C11orf96: variants seen among roughly 807,000 people sequenced by gnomAD.
C11orf96 encodes chromosome 11 open reading frame 96.
In C11orf96, 6 loss-of-function variants were observed where a neutral mutation model predicts 7.6. The observed-to-expected ratio is 0.79, with a 90% CI of 0.43 to 1.55. The LOEUF is 1.55. Among genes scored for constraint, C11orf96 ranks in the 40% most tolerant of loss-of-function variants. The pLI is 0.01. For missense variants in C11orf96, 150 were observed against 167.3 expected, an observed-to-expected ratio of 0.90 and a Z score of 0.57; for synonymous variants, 72 against 79.0, an observed-to-expected ratio of 0.91 and a Z score of 0.47.
chr11:43,943,021 C>T lies in C11orf96; in HGVS notation c.117C>T (p.Pro39=), dbSNP rs192957735. The change falls in exon 1 of 1, where the codon CCC becomes CCT. Residue 39 remains proline, a synonymous_variant. Transcript: ENST00000617612. The surrounding 1 kb of genome is among the most constrained non-coding windows in gnomAD (Gnocchi z 4.8). ...FPQPVRPAKL[P]KGRGRLRRPR... ...AGCCCGTGCGGCCCGCCAAGCTGCC[C>T]AAGGGCCGGGGCCGGCTGCGGCGGC... 4,723 of 1,510,450 alleles carry T rather than the reference C, an allele frequency of 3.1e-3. 7 individuals are homozygous for T. Among genetic ancestry groups the T allele is most frequent in the Non-Finnish European group, 3.9e-3 (4,350 of 1,129,152 alleles). 93.6% of individuals were successfully genotyped at this position (1,510,450 alleles called of 1,614,324 possible). A position where few individuals can be genotyped will look rare whatever the true frequency, so the allele number is the denominator to read the frequency against.
rs1201891075 is a variant in C11orf96, at chr11:43,942,824, T to C, written c.-81T>C. Reference sequence around the variant, plus strand: ...GCCCGGCGAGCCCCCGGCTGCTGCCTCCCGGGGGGCCCCGGCGCAGCGGCC... The same window carrying C: ...GCCCGGCGAGCCCCCGGCTGCTGCCCCCCGGGGGGCCCCGGCGCAGCGGCC... On this transcript the variant is annotated 5_prime_UTR_variant, in exon 1 of 1. Coordinates refer to ENST00000617612, the MANE Select transcript of C11orf96 (RefSeq NM_001145033.2). 1.9e-6 allele frequency: 2 copies of C among 1,067,510 alleles called. No individual in the cohort carries two copies. Among genetic ancestry groups the C allele is most frequent in the Non-Finnish European group, 2.3e-6 (2 of 875,004 alleles). The allele number at this position is 1,067,510 out of a possible 1,614,324, so 66.1% of individuals were successfully genotyped here.
Position 43,943,552 on chromosome 11 carries a change from C to A in C11orf96, c.*279C>A. The A allele has an allele frequency of 7.6e-7, 1 of 1,317,482 alleles. No individual in the cohort carries two copies. The highest frequency in any genetic ancestry group is 1.0e-6 in the Non-Finnish European group (1 of 998,034). The allele number at this position is 1,317,482 out of a possible 1,614,324, so 81.6% of individuals were successfully genotyped here. A position where few individuals can be genotyped will look rare whatever the true frequency, so the allele number is the denominator to read the frequency against. On this transcript the variant is annotated 3_prime_UTR_variant, in exon 1 of 1. Coordinates refer to ENST00000617612, the MANE Select transcript of C11orf96 (RefSeq NM_001145033.2). This position sits in a 1 kb window ranked among gnomAD's most constrained non-coding sequence, Gnocchi z 4.8. Reference sequence around the variant, plus strand: ...GTGCGAACTCTGCTGTGAGTGTGTGCGGGGAGGCGCGCCCGCGCTGAGTCG... The same window carrying A: ...GTGCGAACTCTGCTGTGAGTGTGTGAGGGGAGGCGCGCCCGCGCTGAGTCG...
At position 43,943,590 on chromosome 11, in the gene C11orf96, C is replaced by CA; in HGVS notation, c.*318dup. On this transcript the variant is annotated 3_prime_UTR_variant, in exon 1 of 1. Coordinates refer to ENST00000617612, the MANE Select transcript of C11orf96 (RefSeq NM_001145033.2). The surrounding 1 kb of genome is among the most constrained non-coding windows in gnomAD (Gnocchi z 4.8). ...CCGCGCTGAGTCGGCGGCGGGTAGC[C>CA]ACTCCATGCCCTTGTCCGATGGTTT... 7.6e-7 allele frequency: 1 copy of CA among 1,310,142 alleles called. No homozygotes were observed. The highest frequency in any genetic ancestry group is 1.0e-6 in the Non-Finnish European group (1 of 992,998). 81.2% of individuals were successfully genotyped at this position (1,310,142 alleles called of 1,614,324 possible). A position where few individuals can be genotyped will look rare whatever the true frequency, so the allele number is the denominator to read the frequency against.
In C11orf96 at chr11:43,943,390, G is replaced by C; in HGVS notation, c.*117G>C. On this transcript the variant is annotated 3_prime_UTR_variant, in exon 1 of 1. Transcript: ENST00000617612. The surrounding 1 kb of genome is among the most constrained non-coding windows in gnomAD (Gnocchi z 4.8). ...GGACCCGCAAGGACCCGGGACCGCC[G>C]CTCCTCGCGCGCTCGGACTCCCGCC... 7.2e-7 allele frequency: 1 copy of C among 1,393,238 alleles called. No individual in the cohort carries two copies. The highest frequency in any genetic ancestry group is 1.5e-5 in the African/African-American group (1 of 64,658). 86.3% of individuals were successfully genotyped at this position (1,393,238 alleles called of 1,614,324 possible). A position where few individuals can be genotyped will look rare whatever the true frequency, so the allele number is the denominator to read the frequency against.
rs1781504572 is a variant in C11orf96 at position 43,943,290 on chromosome 11, G to C, written c.*17G>C. 6.8e-7 allele frequency: 1 copy of C among 1,473,128 alleles called. No homozygotes were observed. The highest frequency in any genetic ancestry group is 1.5e-5 in the African/African-American group (1 of 66,676). 91.3% of individuals were successfully genotyped at this position (1,473,128 alleles called of 1,614,324 possible). On this transcript the variant is annotated 3_prime_UTR_variant, in exon 1 of 1. Transcript: ENST00000617612. The surrounding 1 kb of genome is among the most constrained non-coding windows in gnomAD (Gnocchi z 4.8). ...GCCCTGTAAGGGGCGCCGCCCGCGG[G>C]GGGGACGCGCGCGTCCGCGGTCCGC...
chr11:43,943,075 G>T lies in C11orf96; in HGVS notation c.171G>T (p.Pro57=). ...GCCAGTCTCGCTTCAAGACGCAGCC[G>T]GTGACCTTCGACGAGATCCAGGAGG... ...RPRQSRFKTQ[P]VTFDEIQEVE... is the part of the protein sequence containing the mutation. The change falls in exon 1 of 1, where the codon CCG becomes CCT. Residue 57 remains proline, a synonymous_variant. Transcript: ENST00000617612. The surrounding 1 kb of genome is among the most constrained non-coding windows in gnomAD (Gnocchi z 4.8). 1.3e-6 allele frequency: 2 copies of T among 1,503,148 alleles called. No homozygotes were observed. Among genetic ancestry groups the T allele is most frequent in the African/African-American group, 1.4e-5 (1 of 69,526 alleles). 93.1% of individuals were successfully genotyped at this position (1,503,148 alleles called of 1,614,324 possible).
chr11:43,943,452 C>T lies in C11orf96; in HGVS notation c.*179C>T. ...CGGTCGGTGCGCCCCTCGCCGCGCT[C>T]GCCCTGGCCCGGGAGCGCCGGGAGC... is the stretch of plus-strand genomic sequence containing the variant. On this transcript the variant is annotated 3_prime_UTR_variant, in exon 1 of 1. Transcript: ENST00000617612. This position sits in a 1 kb window ranked among gnomAD's most constrained non-coding sequence, Gnocchi z 4.8. The T allele has an allele frequency of 7.0e-7, 1 of 1,425,352 alleles. No individual in the cohort carries two copies. The allele number at this position is 1,425,352 out of a possible 1,614,324, so 88.3% of individuals were successfully genotyped here.
rs1398777296 is a variant in C11orf96 at position 43,943,274 on chromosome 11, G to C, written c.*1G>C. 3 of 1,491,716 alleles carry C rather than the reference G, an allele frequency of 2.0e-6. No homozygotes were observed. Among genetic ancestry groups the C allele is most frequent in the Non-Finnish European group, 2.7e-6 (3 of 1,123,374 alleles). 92.4% of individuals were successfully genotyped at this position (1,491,716 alleles called of 1,614,324 possible). On this transcript the variant is annotated 3_prime_UTR_variant, in exon 1 of 1. Transcript: ENST00000617612. This position sits in a 1 kb window ranked among gnomAD's most constrained non-coding sequence, Gnocchi z 4.8. ...CAGCGACTCCGACTCGGCCCTGTAA[G>C]GGGCGCCGCCCGCGGGGGGGACGCG...
At position 43,943,146 on chromosome 11, in the gene C11orf96, A is replaced by T. The variant is rs554789009; in HGVS notation, c.242A>T (p.Lys81Met). Reference protein sequence around the residue: ...VSPMEEEKAKKSFLQSLECLR... With the variant: ...VSPMEEEKAKMSFLQSLECLR... ...CCCATGGAGGAGGAGAAGGCCAAGA[A>T]GTCGTTCCTGCAGAGCCTGGAGTGC... The change falls in exon 1 of 1, where the codon AAG (lysine) becomes ATG (methionine). Residue 81 changes from lysine to methionine, a missense_variant. By Grantham distance (95) the Lys-to-Met change is moderately conservative. This residue lies in a region of C11orf96 where 69 missense variants were observed against 69.1 expected (regional missense o/e 1.00). Coordinates refer to ENST00000617612, the MANE Select transcript of C11orf96 (RefSeq NM_001145033.2). The surrounding 1 kb of genome is among the most constrained non-coding windows in gnomAD (Gnocchi z 4.8). 1 of 1,501,872 alleles carries T rather than the reference A, an allele frequency of 6.7e-7. No homozygotes were observed. Among genetic ancestry groups the T allele is most frequent in the East Asian group, 2.7e-5 (1 of 36,638 alleles). 93.0% of individuals were successfully genotyped at this position (1,501,872 alleles called of 1,614,324 possible). A position where few individuals can be genotyped will look rare whatever the true frequency, so the allele number is the denominator to read the frequency against.
In C11orf96 at chr11:43,943,622, C is replaced by G. The variant is rs941621587; in HGVS notation, c.*349C>G. ...TGCCCTTGTCCGATGGTTTGCAACTCCGATTTTGCACACCGCTCCACCGTG... is the reference window on the plus strand; with the variant it reads ...TGCCCTTGTCCGATGGTTTGCAACTGCGATTTTGCACACCGCTCCACCGTG... On this transcript the variant is annotated 3_prime_UTR_variant, in exon 1 of 1. Transcript: ENST00000617612. This position sits in a 1 kb window ranked among gnomAD's most constrained non-coding sequence, Gnocchi z 4.8. 1 of 1,306,580 alleles carries G rather than the reference C, an allele frequency of 7.7e-7. No homozygotes were observed. Among genetic ancestry groups the G allele is most frequent in the Admixed American group, 2.3e-5 (1 of 43,652 alleles). The allele number at this position is 1,306,580 out of a possible 1,614,324, so 80.9% of individuals were successfully genotyped here. A position where few individuals can be genotyped will look rare whatever the true frequency, so the allele number is the denominator to read the frequency against.
At position 43,943,587 on chromosome 11, in the gene C11orf96, A is replaced by G. The variant is rs1247365787; in HGVS notation, c.*314A>G. On this transcript the variant is annotated 3_prime_UTR_variant, in exon 1 of 1. Coordinates refer to ENST00000617612, the MANE Select transcript of C11orf96 (RefSeq NM_001145033.2). This position sits in a 1 kb window ranked among gnomAD's most constrained non-coding sequence, Gnocchi z 4.8. Reference sequence around the variant, plus strand: ...CGCCCGCGCTGAGTCGGCGGCGGGTAGCCACTCCATGCCCTTGTCCGATGG... The same window carrying G: ...CGCCCGCGCTGAGTCGGCGGCGGGTGGCCACTCCATGCCCTTGTCCGATGG... 7.6e-7 allele frequency: 1 copy of G among 1,310,782 alleles called. No homozygotes were observed. 81.2% of individuals were successfully genotyped at this position (1,310,782 alleles called of 1,614,324 possible). A position where few individuals can be genotyped will look rare whatever the true frequency, so the allele number is the denominator to read the frequency against.
chr11:43,943,273 A>T lies in C11orf96; in HGVS notation c.369A>T (p.Ter123TyrextTer20). ...CCAGCGACTCCGACTCGGCCCTGTA[A>T]GGGGCGCCGCCCGCGGGGGGGACGC... ...LDSSDSDSAL* is the reference protein window; with the variant it reads ...LDSSDSDSALY The change falls in exon 1 of 1, where the codon TAA becomes TAT. Residue 123 changes from the stop codon to tyrosine (Y), a stop_lost. Transcript: ENST00000617612. The surrounding 1 kb of genome is among the most constrained non-coding windows in gnomAD (Gnocchi z 4.8). 1 of 1,488,266 alleles carries T rather than the reference A, an allele frequency of 6.7e-7. No homozygotes were observed. Among genetic ancestry groups the T allele is most frequent in the Non-Finnish European group, 8.9e-7 (1 of 1,121,052 alleles). The allele number at this position is 1,488,266 out of a possible 1,614,324, so 92.2% of individuals were successfully genotyped here.
chr11:43,943,631 C>G lies in C11orf96; in HGVS notation c.*358C>G. 2 of 1,305,830 alleles carry G rather than the reference C, an allele frequency of 1.5e-6. No individual in the cohort carries two copies. The highest frequency in any genetic ancestry group is 2.0e-6 in the Non-Finnish European group (2 of 990,018). The allele number at this position is 1,305,830 out of a possible 1,614,324, so 80.9% of individuals were successfully genotyped here. ...CCGATGGTTTGCAACTCCGATTTTG[C>G]ACACCGCTCCACCGTGCCCCCCAGC... On this transcript the variant is annotated 3_prime_UTR_variant, in exon 1 of 1. Transcript: ENST00000617612. The surrounding 1 kb of genome is among the most constrained non-coding windows in gnomAD (Gnocchi z 4.8).
chr11:43,943,830 G>C lies in C11orf96; in HGVS notation c.*557G>C. 1 of 1,298,604 alleles carries C rather than the reference G, an allele frequency of 7.7e-7. No homozygotes were observed. The highest frequency in any genetic ancestry group is 1.0e-6 in the Non-Finnish European group (1 of 985,434). 80.4% of individuals were successfully genotyped at this position (1,298,604 alleles called of 1,614,324 possible). A position where few individuals can be genotyped will look rare whatever the true frequency, so the allele number is the denominator to read the frequency against. ...TTTAACGATCTTTTTACCTGGATATGTCTGTGAGGCTCCTGAAAGGAGACA... is the reference window on the plus strand; with the variant it reads ...TTTAACGATCTTTTTACCTGGATATCTCTGTGAGGCTCCTGAAAGGAGACA... On this transcript the variant is annotated 3_prime_UTR_variant, in exon 1 of 1. Transcript: ENST00000617612. The surrounding 1 kb of genome is among the most constrained non-coding windows in gnomAD (Gnocchi z 4.8).
In C11orf96 at chr11:43,943,054, G is replaced by C. The variant is rs936389161; in HGVS notation, c.150G>C (p.Gln50His). The C allele has an allele frequency of 3.2e-5, 48 of 1,500,056 alleles. No homozygotes were observed. Among genetic ancestry groups the C allele is most frequent in the Non-Finnish European group, 3.9e-5 (44 of 1,124,528 alleles). The allele number at this position is 1,500,056 out of a possible 1,614,324, so 92.9% of individuals were successfully genotyped here. The change falls in exon 1 of 1, where the codon CAG (glutamine) becomes CAC (histidine). Residue 50 changes from glutamine (Q) to histidine (H), a missense_variant. Physicochemically the swap from Gln to His is conservative, Grantham distance 24 (BLOSUM62 0). This residue lies in a region of C11orf96 where 77 missense variants were observed against 80.5 expected (regional missense o/e 0.96). Coordinates refer to ENST00000617612, the MANE Select transcript of C11orf96 (RefSeq NM_001145033.2). The surrounding 1 kb of genome is among the most constrained non-coding windows in gnomAD (Gnocchi z 4.8). ...GGGGCCGGCTGCGGCGGCCGCGCCA[G>C]TCTCGCTTCAAGACGCAGCCGGTGA... ...KGRGRLRRPR[Q>H]SRFKTQPVTF...
chr11:43,943,211 C>T lies in C11orf96; in HGVS notation c.307C>T (p.Gln103Ter). ...STQSLSLQRE[Q>*]LSSCKLRNSL... ...GCAGAGCCTGTCGCTGCAGCGGGAGCAGCTCAGCAGCTGCAAACTGAGGAA... is the reference window on the plus strand; with the variant it reads ...GCAGAGCCTGTCGCTGCAGCGGGAGTAGCTCAGCAGCTGCAAACTGAGGAA... The change falls in exon 1 of 1, where the codon CAG becomes TAG. Residue 103 changes from glutamine to a stop codon, truncating the protein, a stop_gained. Transcript: ENST00000617612. LOFTEE classifies it high-confidence loss of function. The surrounding 1 kb of genome is among the most constrained non-coding windows in gnomAD (Gnocchi z 4.8). 1 of 1,525,890 alleles carries T rather than the reference C, an allele frequency of 6.6e-7. No individual in the cohort carries two copies. Among genetic ancestry groups the T allele is most frequent in the Non-Finnish European group, 8.8e-7 (1 of 1,136,546 alleles). The allele number at this position is 1,525,890 out of a possible 1,614,324, so 94.5% of individuals were successfully genotyped here.
chr11:43,943,185 C>T lies in C11orf96; in HGVS notation c.281C>T (p.Thr94Met). The T allele has an allele frequency of 5.9e-6, 9 of 1,513,398 alleles. No individual in the cohort carries two copies. The highest frequency in any genetic ancestry group is 1.7e-4 in the Middle Eastern group (1 of 5,842). The allele number at this position is 1,513,398 out of a possible 1,614,324, so 93.7% of individuals were successfully genotyped here. Reference sequence around the variant, plus strand: ...AGCCTGGAGTGCCTGCGCCGCAGCACGCAGAGCCTGTCGCTGCAGCGGGAG... The same window carrying T: ...AGCCTGGAGTGCCTGCGCCGCAGCATGCAGAGCCTGTCGCTGCAGCGGGAG... ...LQSLECLRRS[T>M]QSLSLQREQL... The change falls in exon 1 of 1, where the codon ACG (threonine) becomes ATG (methionine). Residue 94 changes from threonine to methionine, a missense_variant. Thr to Met is a moderately conservative substitution (Grantham distance 81, BLOSUM62 -1). Transcript: ENST00000617612. This position sits in a 1 kb window ranked among gnomAD's most constrained non-coding sequence, Gnocchi z 4.8.
Position 43,943,380 on chromosome 11 carries a change from C to G in C11orf96, c.*107C>G. 7.1e-7 allele frequency: 1 copy of G among 1,399,680 alleles called. No homozygotes were observed. Among genetic ancestry groups the G allele is most frequent in the Non-Finnish European group, 9.3e-7 (1 of 1,080,936 alleles). The allele number at this position is 1,399,680 out of a possible 1,614,324, so 86.7% of individuals were successfully genotyped here. ...TGCTCCCGGGGGACCCGCAAGGACC[C>G]GGGACCGCCGCTCCTCGCGCGCTCG... On this transcript the variant is annotated 3_prime_UTR_variant, in exon 1 of 1. Transcript: ENST00000617612. This position sits in a 1 kb window ranked among gnomAD's most constrained non-coding sequence, Gnocchi z 4.8.
Position 43,943,769 on chromosome 11 carries a change from T to C in C11orf96, c.*496T>C, listed in dbSNP as rs1407681487. 1 of 1,304,056 alleles carries C rather than the reference T, an allele frequency of 7.7e-7. No individual in the cohort carries two copies. Among genetic ancestry groups the C allele is most frequent in the East Asian group, 5.5e-5 (1 of 18,024 alleles). The allele number at this position is 1,304,056 out of a possible 1,614,324, so 80.8% of individuals were successfully genotyped here. ...GCTGCTACTGCGTCTGGAGGATTGA[T>C]ATTTATTTTTGCATTGCGATGGCTG... is the stretch of plus-strand genomic sequence containing the variant. On this transcript the variant is annotated 3_prime_UTR_variant, in exon 1 of 1. Coordinates refer to ENST00000617612, the MANE Select transcript of C11orf96 (RefSeq NM_001145033.2). The surrounding 1 kb of genome is among the most constrained non-coding windows in gnomAD (Gnocchi z 4.8).
Sources: allele counts gnomAD v4.1 joint callset, GRCh38; gene constraint gnomAD v4.1.1; regional missense constraint gnomAD v4.1.1; non-coding constraint Gnocchi (gnomAD v3.1); transcripts MANE v1.5; gene names NCBI Gene and HGNC (gene_info 2026-07-23, HGNC 2026-07-21).